The following ZBTB20 variants were observed in gnomAD, a reference collection of about 807,000 sequenced individuals.
ZBTB20 encodes zinc finger and BTB domain containing 20.
A neutral mutation model predicts 56.9 loss-of-function variants in ZBTB20; 9 were observed. The ratio of observed to expected loss-of-function variants is 0.16; its 90% CI spans 0.10 to 0.28. The LOEUF is 0.28. Among genes scored for constraint, ZBTB20 ranks in the 10% least tolerant of loss-of-function variants. The probability of loss-of-function intolerance (pLI) is 1.00; values close to 1 mark genes in which losing one functional copy is unlikely to be tolerated. For synonymous variants in ZBTB20, 417 were observed against 420.7 expected (o/e 0.99, Z 0.11); for missense variants, 655 against 1,003.0 (o/e 0.65, Z 4.69).
chr3:114,352,832 A>C lies in ZBTB20; in HGVS notation c.200-954T>G, dbSNP rs554765273. On this transcript the variant is annotated intron_variant, in intron 10 of 11. Transcript: ENST00000675478. ...ATAATTAGGCCAGGATAGCAGGAGT[A>C]AGCCAGAAGTGGGATATATGATCTC... 8.5e-5 allele frequency among the ~76,000 whole-genome samples: 13 copies of C among 152,342 alleles called. No homozygotes were observed. The South Asian group carries it at 2.5e-3, about 29-fold the overall frequency.
In ZBTB20 at chr3:114,874,693, T is replaced by C. The variant is rs983437950; in HGVS notation, c.-417+25611A>G. On this transcript the variant is annotated intron_variant, in intron 4 of 11. Coordinates refer to ENST00000675478, the MANE Select transcript of ZBTB20 (RefSeq NM_001348800.3). ...CAATGCAGCAGTGAGATGGCCCTGT[T>C]TATTTTATCAGAATGGCACTCCCTT... is the stretch of plus-strand genomic sequence containing the variant. Among the ~76,000 whole-genome samples the C allele has an allele frequency of 4.6e-5, 7 of 152,280 alleles. No homozygotes were observed. In the East Asian group the frequency reaches 1.4e-3, roughly 29 times the overall value.
At chr3:114,748,267 T>G (rs1306717889) in intron 5 of ZBTB20, among the ~76,000 whole-genome samples, 1 of 150,494 alleles carries the variant, frequency 6.6e-6, no homozygotes, top group African/African-American at 2.4e-5. Context: ...GGTTCTGGGG[T>G]TTTTGTTGTA....
chr3:114,617,928 T>C (rs1462457178), intron 6 of ZBTB20, among the ~76,000 whole-genome samples: 3 of 148,950 alleles, frequency 2.0e-5, no homozygotes, highest in African/African-American at 7.8e-5. Context: ...AACTTATCCC[T>C]GACACAAACA....
chr3:114,411,616 A>G (rs780655756), intron 7 of ZBTB20, among the ~76,000 whole-genome samples: 7 of 152,264 alleles, frequency 4.6e-5, no homozygotes, highest in Non-Finnish European at 8.8e-5. Flanking sequence ...GGTGAAAGGC[A>G]GGGGTGTAAT....
At chr3:114,573,546 A>G (rs550776870) in intron 6 of ZBTB20, among the ~76,000 whole-genome samples, 18 of 151,628 alleles carry the variant, frequency 1.2e-4, no homozygotes, top group African/African-American at 3.1e-4. Context: ...AGAGAAAGGG[A>G]AAAGAAAGAG....
chr3:114,329,376 G>C lies in ZBTB20; in HGVS notation c.*9629C>G, dbSNP rs1388938996. 1 of 152,156 alleles carries C rather than the reference G, an allele frequency of 6.6e-6. No individual in the cohort carries two copies. Among genetic ancestry groups the C allele is most frequent in the African/African-American group, 2.4e-5 (1 of 41,434 alleles). 9.4% of individuals were successfully genotyped at this position (152,156 alleles called of 1,614,324 possible). A position where few individuals can be genotyped will look rare whatever the true frequency, so the allele number is the denominator to read the frequency against. ...CTAGTTTCAGGCACCTGGGATGGTG[G>C]AAAAGTTTATTCAACTGAGGCTTTC... On this transcript the variant is annotated 3_prime_UTR_variant, in exon 12 of 12. Transcript: ENST00000675478.
intron 2 of ZBTB20, among the ~76,000 whole-genome samples, chr3:115,054,365 C>A (rs935337059): frequency 2.0e-5 from 3 of 152,084 alleles, no homozygotes; most frequent in Non-Finnish European, 4.4e-5. Context: ...TTAAGCTCAA[C>A]TATTTGAATC....
intron 6 of ZBTB20, among the ~76,000 whole-genome samples, chr3:114,574,255 A>T (rs562685544): frequency 1.3e-5 from 2 of 152,300 alleles, no homozygotes; most frequent in Admixed American, 1.3e-4. Context: ...ACACCTCTGT[A>T]CCTAAATCTT....
chr3:115,052,274 T>C (rs1017369424), intron 2 of ZBTB20, among the ~76,000 whole-genome samples: 1 of 151,932 alleles, frequency 6.6e-6, no homozygotes, highest in African/African-American at 2.4e-5. Context: ...CTGGACAACA[T>C]GGTGAAACCC....
intron 2 of ZBTB20, among the ~76,000 whole-genome samples, chr3:114,998,410 G>C (rs1024800895): frequency 5.3e-5 from 8 of 151,594 alleles, no homozygotes; most frequent in Admixed American, 2.6e-4. Flanking sequence ...AAAATAACTA[G>C]ACTTAATCAT....
At position 114,333,929 on chromosome 3, in the gene ZBTB20, C is replaced by G. The variant is rs951170731; in HGVS notation, c.*5076G>C. 1 of 152,144 alleles carries G rather than the reference C, an allele frequency of 6.6e-6. No individual in the cohort carries two copies. Among genetic ancestry groups the G allele is most frequent in the Non-Finnish European group, 1.5e-5 (1 of 68,046 alleles). The allele number at this position is 152,144 out of a possible 1,614,324, so 9.4% of individuals were successfully genotyped here. The stretch of plus-strand genomic sequence containing the variant: ...TTCTCTGCCCTAGAGCTTCCATTAC[C>G]CTGGACTTCAACTCATTACCAAATT... On this transcript the variant is annotated 3_prime_UTR_variant, in exon 12 of 12. Transcript: ENST00000675478.
chr3:114,709,927 T>C (rs1008772016), intron 5 of ZBTB20, among the ~76,000 whole-genome samples: 3 of 152,298 alleles, frequency 2.0e-5, no homozygotes, highest in Admixed American at 2.0e-4. Flanking sequence ...CTTTATATCT[T>C]GAATGCCCTG....
intron 4 of ZBTB20, among the ~76,000 whole-genome samples, chr3:114,820,637 A>G (rs1185471589): frequency 6.6e-6 from 1 of 152,142 alleles, no homozygotes; most frequent in Non-Finnish European, 1.5e-5. Context: ...GAAAAAAATC[A>G]GATACCGATA....
chr3:114,715,988 C>T (rs754720121), intron 5 of ZBTB20, among the ~76,000 whole-genome samples: 2 of 152,176 alleles, frequency 1.3e-5, no homozygotes, highest in African/African-American at 2.4e-5. Flanking sequence ...CTCTGAGGCC[C>T]GTGGCCTCTT....
At chr3:114,586,835 A>G (rs949602524) in intron 6 of ZBTB20, among the ~76,000 whole-genome samples, 5 of 152,040 alleles carry the variant, frequency 3.3e-5, no homozygotes, top group Non-Finnish European at 7.4e-5. Context: ...CATCTGACAT[A>G]AATGGTCTCA....
chr3:114,757,788 T>C (rs1341520491), intron 5 of ZBTB20, among the ~76,000 whole-genome samples: 2 of 152,144 alleles, frequency 1.3e-5, no homozygotes, highest in East Asian at 1.9e-4. Context: ...GCTCAAGGAA[T>C]AGATTAGAAG....
At chr3:114,521,605 G>A (rs575454159) in intron 6 of ZBTB20, among the ~76,000 whole-genome samples, 4 of 152,094 alleles carry the variant, frequency 2.6e-5, no homozygotes, top group South Asian at 2.1e-4. Flanking sequence ...GTAATATTGC[G>A]ACAGTACATT....
intron 7 of ZBTB20, among the ~76,000 whole-genome samples, chr3:114,400,831 C>G (rs1310220257): frequency 6.6e-6 from 1 of 152,076 alleles, no homozygotes; most frequent in Non-Finnish European, 1.5e-5. Context: ...AGCCTCCTCT[C>G]CTGATAACCT....
intron 6 of ZBTB20, among the ~76,000 whole-genome samples, chr3:114,635,619 A>C (rs762787317): frequency 1.3e-5 from 2 of 152,038 alleles, no homozygotes; most frequent in Non-Finnish European, 2.9e-5. Context: ...AAAAGAACCC[A>C]ATAGAATTAC....
Sources: allele counts gnomAD v4.1 joint callset (sites outside exome capture counted in the v4.1 genomes callset), GRCh38; gene constraint gnomAD v4.1.1; transcripts MANE v1.5; gene names NCBI Gene and HGNC (gene_info 2026-07-23, HGNC 2026-07-21).